Variants in GALNT13 observed in about 807,000 individuals in gnomAD.
GALNT13 encodes polypeptide N-acetylgalactosaminyltransferase 13.
GALNT13 carries 28 observed loss-of-function variants against 64.2 expected under a neutral mutation model. The ratio of observed to expected loss-of-function variants is 0.44; its 90% CI spans 0.32 to 0.60. The LOEUF (loss-of-function observed/expected upper bound fraction) is 0.60. GALNT13 is among the 20% of genes least tolerant of loss of function. The pLI, the probability that GALNT13 is intolerant of heterozygous loss-of-function variation, is 0.05. For synonymous variants in GALNT13, 214 were observed against 224.6 expected (o/e 0.95, Z 0.42); for missense variants, 577 against 669.8 (o/e 0.86, Z 1.53).
chr2:153,977,890 G>A (rs954138362), intron 3 of GALNT13, among the ~76,000 whole-genome samples: 2 of 151,654 alleles, frequency 1.3e-5, no homozygotes, highest in African/African-American at 2.4e-5. Context: ...ACCTATTGAA[G>A]TCTTCCTTGA....
intron 3 of GALNT13, among the ~76,000 whole-genome samples, chr2:154,027,534 C>T (rs1206961574): frequency 6.6e-6 from 1 of 151,960 alleles, no homozygotes; most frequent in Non-Finnish European, 1.5e-5. Context: ...CATAATGGGT[C>T]TCTATTTGGA....
At chr2:153,512,865 C>T in the GALNT13 span, among the ~76,000 whole-genome samples, 73 of 152,190 alleles carry the variant, frequency 4.8e-4, no homozygotes, top group Middle Eastern at 6.8e-3. Context: ...GTTTTCTGCC[C>T]AGCTGAGTTT....
chr2:153,133,757 C>G, the GALNT13 span, among the ~76,000 whole-genome samples: 1 of 151,220 alleles, frequency 6.6e-6, no homozygotes, highest in East Asian at 1.9e-4. Flanking sequence ...TAAATGTCAT[C>G]AAGTCTGACA....
At chr2:154,070,204 T>G (rs1484121076) in intron 3 of GALNT13, among the ~76,000 whole-genome samples, 1 of 151,886 alleles carries the variant, frequency 6.6e-6, no homozygotes, top group Non-Finnish European at 1.5e-5. Context: ...CAAAGTAGAG[T>G]TCTTTATTTG....
chr2:154,221,606 A>C (rs2105823130), intron 4 of GALNT13, among the ~76,000 whole-genome samples: 1 of 152,194 alleles, frequency 6.6e-6, no homozygotes, highest in Non-Finnish European at 1.5e-5. Context: ...AGAGAATGAA[A>C]GGCAATTCTA....
the GALNT13 span, among the ~76,000 whole-genome samples, chr2:153,209,875 G>A: frequency 1.3e-5 from 2 of 152,006 alleles, no homozygotes; most frequent in Non-Finnish European, 2.9e-5. Flanking sequence ...AGGAGGACAA[G>A]TTTTTCACAT....
At chr2:154,058,824 G>A (rs1700031413) in intron 3 of GALNT13, among the ~76,000 whole-genome samples, 1 of 152,168 alleles carries the variant, frequency 6.6e-6, no homozygotes, top group African/African-American at 2.4e-5. Context: ...GTTTTACTTT[G>A]AGTGAAGAGA....
chr2:153,287,518 C>T, the GALNT13 span, among the ~76,000 whole-genome samples: 19 of 152,210 alleles, frequency 1.2e-4, no homozygotes, highest in Admixed American at 5.2e-4. Context: ...TAGCTCTCAG[C>T]AGATGAATGG....
the GALNT13 span, among the ~76,000 whole-genome samples, chr2:153,108,062 G>C: frequency 1.3e-5 from 2 of 152,028 alleles, no homozygotes; most frequent in African/African-American, 4.8e-5. Context: ...ATTTTTAGTA[G>C]AGACAGGGTT....
At chr2:153,093,241 C>CTT in the GALNT13 span, among the ~76,000 whole-genome samples, 96 of 139,430 alleles carry the variant, frequency 6.9e-4, 1 homozygote, top group Non-Finnish European at 8.8e-4. Context: ...CTTTTCTTTT[C>CTT]TTTTTTTTTT....
chr2:154,341,804 G>A (rs1695787215), intron 9 of GALNT13, among the ~76,000 whole-genome samples: 3 of 151,970 alleles, frequency 2.0e-5, no homozygotes, highest in African/African-American at 7.2e-5. Flanking sequence ...AATAGCTGAG[G>A]GTATAACATC....
At chr2:154,216,097 T>A (rs1688027413) in intron 4 of GALNT13, among the ~76,000 whole-genome samples, 2 of 152,266 alleles carry the variant, frequency 1.3e-5, no homozygotes, top group African/African-American at 4.8e-5. Context: ...CTTTCTTACA[T>A]ATTTTATTTT....
intron 9 of GALNT13, among the ~76,000 whole-genome samples, chr2:154,351,682 CAAAAAAAAAAAAAAAAAAAAA>C (rs567606376): frequency 4.7e-4 from 21 of 44,686 alleles, no homozygotes; most frequent in African/African-American, 6.6e-4. Flanking sequence ...GACTCCGTCT[CAAAAAAAAAAAAAAAAAAAAA>C]AAAAAAAAAA....
chr2:153,459,158 A>C, the GALNT13 span, among the ~76,000 whole-genome samples: 1 of 152,204 alleles, frequency 6.6e-6, no homozygotes, highest in African/African-American at 2.4e-5. Flanking sequence ...TAGATGTTTA[A>C]AAAATAGTAT....
chr2:153,536,882 T>C, the GALNT13 span, among the ~76,000 whole-genome samples: 1 of 152,214 alleles, frequency 6.6e-6, no homozygotes, highest in African/African-American at 2.4e-5. Flanking sequence ...GATAGAAATG[T>C]GTAATTAAAA....
the GALNT13 span, among the ~76,000 whole-genome samples, chr2:153,302,901 T>C: frequency 2.0e-5 from 3 of 152,194 alleles, no homozygotes; most frequent in African/African-American, 4.8e-5. Context: ...CATTGGTTTG[T>C]GTGTCTTTTT....
chr2:153,605,957 G>C, the GALNT13 span, among the ~76,000 whole-genome samples: 1 of 151,990 alleles, frequency 6.6e-6, no homozygotes, highest in African/African-American at 2.4e-5. Context: ...TGCTGTGAGG[G>C]TCCTTGTGAT....
chr2:153,668,969 C>T, the GALNT13 span, among the ~76,000 whole-genome samples: 263 of 152,294 alleles, frequency 1.7e-3, 3 homozygotes, highest in Middle Eastern at 3.4e-3. Flanking sequence ...ACAGGAAAAT[C>T]TTGCATGTGA....
intron 3 of GALNT13, among the ~76,000 whole-genome samples, chr2:154,018,196 C>T (rs116285589): frequency 1.0e-3 from 152 of 152,184 alleles, no homozygotes; most frequent in African/African-American, 3.3e-3. Flanking sequence ...AATATATGAA[C>T]GGAAACATTT....
Sources: gnomAD v4.1 joint callset for allele counts (sites outside exome capture counted in the v4.1 genomes callset) on GRCh38, gnomAD v4.1.1 for gene constraint, MANE v1.5 for transcripts, NCBI Gene and HGNC (gene_info 2026-07-23, HGNC 2026-07-21) for gene names.